CDK5RAP2: variants seen among roughly 807,000 people sequenced by gnomAD.
CDK5RAP2 encodes CDK5 regulatory subunit-associated protein 2.
A neutral mutation model predicts 232.9 loss-of-function variants in CDK5RAP2; 147 were observed. That is an observed-to-expected ratio of 0.63 (90% CI 0.55 to 0.72). The LOEUF (loss-of-function observed/expected upper bound fraction) is 0.72. Among genes scored for constraint, CDK5RAP2 ranks in the 30% least tolerant of loss-of-function variants. The pLI is 0.00. For missense variants in CDK5RAP2, 2,195 were observed against 2,231.5 expected, an observed-to-expected ratio of 0.98 and a Z score of 0.33; for synonymous variants, 833 against 833.7, an observed-to-expected ratio of 1.00 and a Z score of 0.01.
chr9:120,564,516 A>G (rs994914700), intron 3 of CDK5RAP2, among the ~76,000 whole-genome samples: 15 of 151,476 alleles, frequency 9.9e-5, no homozygotes, highest in Non-Finnish European at 4.4e-5. Flanking sequence ...AAAAAATCAT[A>G]CAACTATAAA....
chr9:120,518,756 T>G, intron 11 of CDK5RAP2, 111 bp from the exon 12 acceptor site: 1 of 806,734 alleles, frequency 1.2e-6, no homozygotes, highest in Non-Finnish European at 2.1e-6. Flanking sequence ...AGAAAAAGAT[T>G]AACATAGACA....
intron 15 of CDK5RAP2, among the ~76,000 whole-genome samples, chr9:120,473,641 C>T (rs1222931258): frequency 6.6e-6 from 1 of 152,200 alleles, no homozygotes; most frequent in Non-Finnish European, 1.5e-5. Flanking sequence ...CTACTAGCAA[C>T]TTGTATCTAG....
intron 10 of CDK5RAP2, 31 bp from the exon 11 acceptor site, chr9:120,525,109 A>G (rs2131883676): frequency 6.6e-7 from 1 of 1,516,800 alleles, no homozygotes; most frequent in South Asian, 1.1e-5. Flanking sequence ...CCAGCCAAGT[A>G]TGTAACTGGG....
intron 7 of CDK5RAP2, among the ~76,000 whole-genome samples, chr9:120,533,296 G>A (rs1418696475): frequency 6.6e-6 from 1 of 152,148 alleles, no homozygotes; most frequent in East Asian, 1.9e-4. Flanking sequence ...GTTAAGGAAT[G>A]AATCTATACT....
At chr9:120,468,141 C>G (rs1463669207) in intron 17 of CDK5RAP2, 144 bp from the exon 18 acceptor site, 1 of 746,002 alleles carries the variant, frequency 1.3e-6, no homozygotes, top group African/African-American at 1.8e-5. Flanking sequence ...TCAGGATACC[C>G]TGTGCACAGT....
At chr9:120,514,721 T>C (rs919083324) in intron 12 of CDK5RAP2, among the ~76,000 whole-genome samples, 2 of 152,134 alleles carry the variant, frequency 1.3e-5, no homozygotes, top group African/African-American at 4.8e-5. Context: ...TTTCTACCAC[T>C]CACAAGAAAG....
chr9:120,547,591 G>A (rs569524013), intron 4 of CDK5RAP2, among the ~76,000 whole-genome samples: 97 of 151,850 alleles, frequency 6.4e-4, no homozygotes, highest in African/African-American at 2.3e-3. Flanking sequence ...GCGACAGAGC[G>A]AGACTCCATC....
chr9:120,459,120 A>G (rs1002807132), intron 19 of CDK5RAP2, among the ~76,000 whole-genome samples: 1 of 152,222 alleles, frequency 6.6e-6, no homozygotes, highest in Non-Finnish European at 1.5e-5. Context: ...TATATATCAC[A>G]AAGCTGACTT....
Position 120,407,659 on chromosome 9 carries a change from C to T in CDK5RAP2, c.4727-411G>A, listed in dbSNP as rs377194230. 104 of 176,870 alleles carry T rather than the reference C, an allele frequency of 5.9e-4. No homozygotes were observed. The East Asian group carries it at 0.016, about 26-fold the overall frequency. The allele number at this position is 176,870 out of a possible 1,614,324, so 11.0% of individuals were successfully genotyped here. A position where few individuals can be genotyped will look rare whatever the true frequency, so the allele number is the denominator to read the frequency against. ...AGAAAATAAAAGCTGTGAGATGACC[C>T]CTTTCTAGATAAACTTTCAATAGAG... is the stretch of plus-strand genomic sequence containing the variant. On this transcript the variant is annotated intron_variant, in intron 31 of 37. Transcript: ENST00000349780.
chr9:120,521,630 T>C (rs1403986586), intron 11 of CDK5RAP2, among the ~76,000 whole-genome samples: 1 of 151,564 alleles, frequency 6.6e-6, no homozygotes, highest in Non-Finnish European at 1.5e-5. Flanking sequence ...TGTGAGTCCA[T>C]TAAACCTCTT....
chr9:120,449,665 A>G (rs2036380049), intron 21 of CDK5RAP2, among the ~76,000 whole-genome samples: 1 of 152,210 alleles, frequency 6.6e-6, no homozygotes, highest in South Asian at 2.1e-4. Flanking sequence ...AAATACTACG[A>G]CTCAATAATA....
chr9:120,473,637 G>T (rs909342036), intron 15 of CDK5RAP2, among the ~76,000 whole-genome samples: 1 of 152,176 alleles, frequency 6.6e-6, no homozygotes, highest in African/African-American at 2.4e-5. Context: ...GGCCCTACTA[G>T]CAACTTGTAT....
chr9:120,399,895 A>C (rs1396309046), intron 35 of CDK5RAP2, among the ~76,000 whole-genome samples: 1 of 152,210 alleles, frequency 6.6e-6, no homozygotes, highest in Non-Finnish European at 1.5e-5. Context: ...CAGAGCAGAG[A>C]GAGCTGCCCC....
chr9:120,439,608 AAAG>A lies in CDK5RAP2; in HGVS notation c.3510_3512del (p.Phe1171del). The stretch of plus-strand genomic sequence containing the variant: ...CGTATCGCACTTGGTGCAAACTTGA[AAAG>A]GTCATTTCTTCCCCATCAGAACCAT... On this transcript the variant is annotated inframe_deletion, in exon 24 of 38. Transcript: ENST00000349780. The A allele has an allele frequency of 6.2e-7, 1 of 1,614,164 alleles. No homozygotes were observed. Among genetic ancestry groups the A allele is most frequent in the East Asian group, 2.2e-5 (1 of 44,870 alleles).
chr9:120,535,809 T>C (rs1260638306), intron 7 of CDK5RAP2, among the ~76,000 whole-genome samples: 1 of 152,212 alleles, frequency 6.6e-6, no homozygotes, highest in Admixed American at 6.5e-5. Flanking sequence ...GAGCTCTGTA[T>C]TTGGTCTACA....
intron 14 of CDK5RAP2, among the ~76,000 whole-genome samples, chr9:120,486,905 C>T (rs62577975): frequency 0.088 from 13,443 of 152,082 alleles, 762 homozygotes; most frequent in Middle Eastern, 0.16. Context: ...CTATTGCTGG[C>T]GACGAAAGAA....
At position 120,403,743 on chromosome 9, in the gene CDK5RAP2, G is replaced by A; in HGVS notation, c.5041+293C>T. On this transcript the variant is annotated intron_variant, in intron 33 of 37. Transcript: ENST00000349780. The surrounding 1 kb of genome is among the most constrained non-coding windows in gnomAD (Gnocchi z 4.2). ...TACACCAGGTTAAGGGATAAGGCTG[G>A]ACGGACCCACTGGAGCTGGATCCTG... is the stretch of plus-strand genomic sequence containing the variant. The A allele has an allele frequency of 2.1e-6, 1 of 469,546 alleles. No homozygotes were observed. The highest frequency in any genetic ancestry group is 3.9e-6 in the Non-Finnish European group (1 of 255,668). The allele number at this position is 469,546 out of a possible 1,614,324, so 29.1% of individuals were successfully genotyped here.
At chr9:120,442,894 T>C (rs1235404940) in intron 23 of CDK5RAP2, among the ~76,000 whole-genome samples, 1 of 152,164 alleles carries the variant, frequency 6.6e-6, no homozygotes, top group African/African-American at 2.4e-5. Flanking sequence ...ATGACAAATT[T>C]AGGATTCTTG....
intron 7 of CDK5RAP2, among the ~76,000 whole-genome samples, chr9:120,535,995 T>C (rs190721838): frequency 2.6e-5 from 4 of 152,328 alleles, no homozygotes; most frequent in Non-Finnish European, 4.4e-5. Flanking sequence ...CAAGTAAAAC[T>C]GGGCTTCTCC....
Sources: gnomAD v4.1 joint callset for allele counts (sites outside exome capture counted in the v4.1 genomes callset) on GRCh38, gnomAD v4.1.1 for gene constraint, Gnocchi (gnomAD v3.1) non-coding constraint, MANE v1.5 for transcripts, NCBI Gene and HGNC (gene_info 2026-07-23, HGNC 2026-07-21) for gene names.